ARHGAP1: variants seen among roughly 807,000 people sequenced by gnomAD.
ARHGAP1 encodes Rho GTPase activating protein 1, also known as rho GTPase-activating protein 1.
Under a neutral mutation model 52.2 loss-of-function variants are expected in ARHGAP1, and 23 were observed. The observed-to-expected ratio is 0.44, with a 90% confidence interval of 0.32 to 0.62. The LOEUF is 0.62. Ranked by LOEUF, ARHGAP1 falls within the 20% of genes least tolerant of loss-of-function variation. The probability of loss-of-function intolerance (pLI) is 0.05; values close to 1 mark genes in which losing one functional copy is unlikely to be tolerated. For missense variants in ARHGAP1, 480 were observed against 560.9 expected, an observed-to-expected ratio of 0.86 and a Z score of 1.46; for synonymous variants, 210 against 228.4, an observed-to-expected ratio of 0.92 and a Z score of 0.73.
At position 46,681,421 on chromosome 11, in the gene ARHGAP1, G is replaced by C; in HGVS notation, c.450-42C>G. 1 of 1,451,938 alleles carries C rather than the reference G, an allele frequency of 6.9e-7. No homozygotes were observed. Among genetic ancestry groups the C allele is most frequent in the Non-Finnish European group, 9.7e-7 (1 of 1,032,684 alleles). 89.9% of individuals were successfully genotyped at this position (1,451,938 alleles called of 1,614,324 possible). On this transcript the variant is annotated intron_variant, in intron 5 of 12. Transcript: ENST00000311956. The surrounding 1 kb of genome is among the most constrained non-coding windows in gnomAD (Gnocchi z 5.7). ...GACAACTCAGGAGCAGGCGTGGTGG[G>C]ACAGGTGCCACGCTAGGGTCCCAGT...
At chr11:46,682,236 G>A (rs533373528) in intron 4 of ARHGAP1, 54 bp from the exon 5 acceptor site, 43 of 1,601,406 alleles carry the variant, frequency 2.7e-5, no homozygotes, top group African/African-American at 4.0e-5. Flanking sequence ...GCGGCCCCAC[G>A]AAGACAGAAA....
At chr11:46,694,842 A>G (rs973264720) in intron 3 of ARHGAP1, among the ~76,000 whole-genome samples, 4 of 152,180 alleles carry the variant, frequency 2.6e-5, no homozygotes, top group African/African-American at 9.7e-5. Flanking sequence ...TTCCAAGCCC[A>G]GCACCCCCAT....
chr11:46,682,409 C>A (rs890912905), intron 4 of ARHGAP1, among the ~76,000 whole-genome samples: 2 of 152,204 alleles, frequency 1.3e-5, no homozygotes, highest in Non-Finnish European at 2.9e-5. Flanking sequence ...CTCAGCCGGG[C>A]GCAGTGGCTC....
chr11:46,684,755 T>C (rs1374819203), intron 4 of ARHGAP1, among the ~76,000 whole-genome samples: 1 of 152,196 alleles, frequency 6.6e-6, no homozygotes, highest in African/African-American at 2.4e-5. Context: ...GAAGATATCT[T>C]TGAAGAATAT....
intron 3 of ARHGAP1, among the ~76,000 whole-genome samples, chr11:46,692,197 TG>T (rs376919976): frequency 6.0e-4 from 92 of 152,288 alleles, no homozygotes; most frequent in African/African-American, 2.0e-3. Flanking sequence ...AAAAGCAGAC[TG>T]GCAGGGGCCA....
intron 1 of ARHGAP1, among the ~76,000 whole-genome samples, chr11:46,699,987 T>C (rs908997314): frequency 6.6e-6 from 1 of 151,740 alleles, no homozygotes; most frequent in Non-Finnish European, 1.5e-5. Flanking sequence ...CTGGCCAACA[T>C]GGTGAAACCC....
chr11:46,696,760 T>C lies in ARHGAP1; in HGVS notation c.-49-604A>G, dbSNP rs1565691187. On this transcript the variant is annotated intron_variant, in intron 1 of 12. Transcript: ENST00000311956. The surrounding 1 kb of genome is among the most constrained non-coding windows in gnomAD (Gnocchi z 4.8). ...GGCAGGCATCTGTAATCCCAGCTAC[T>C]CAGGAAGCTGAGGCAGGAGAATCAC... is the stretch of plus-strand genomic sequence containing the variant. 2.6e-5 allele frequency among the ~76,000 whole-genome samples: 4 copies of C among 152,180 alleles called. No homozygotes were observed. In the East Asian group the frequency reaches 5.8e-4, roughly 22 times the overall value.
Position 46,679,137 on chromosome 11 carries a change from G to A in ARHGAP1, c.1220C>T (p.Ala407Val). Residue 407 changes from alanine (A) to valine (V), a missense_variant, in exon 13 of 13, where the codon GCC becomes GTC. By Grantham distance (64) the Ala-to-Val change is moderately conservative (BLOSUM62 0). Transcript: ENST00000311956. This position sits in a 1 kb window ranked among gnomAD's most constrained non-coding sequence, Gnocchi z 4.4. ...GPNLLWAKDA[A>V]ITLKAINPIN... is the part of the protein sequence containing the mutation. ...GGGATTAATGGCCTTGAGGGTGATG[G>A]CCGCATCCTTGGCCCACAGCAGGTT... is the stretch of plus-strand genomic sequence containing the variant. 6 of 1,614,104 alleles carry A rather than the reference G, an allele frequency of 3.7e-6. No homozygotes were observed. Among genetic ancestry groups the A allele is most frequent in the Non-Finnish European group, 5.1e-6 (6 of 1,179,982 alleles).
rs544542110 is a variant in ARHGAP1 at position 46,683,998 on chromosome 11, C to T, written c.318-1816G>A. Among the ~76,000 whole-genome samples, 7 of 152,296 alleles carry T rather than the reference C, an allele frequency of 4.6e-5. No homozygotes were observed. The Middle Eastern group carries it at 0.017, about 370-fold the overall frequency. On this transcript the variant is annotated intron_variant, in intron 4 of 12. Coordinates refer to ENST00000311956, the MANE Select transcript of ARHGAP1 (RefSeq NM_004308.5). ...CTAGGCTCCCACAGGGACACTACTGCAGGCTGGGAGGCTGGGCAGGCAGAA... is the reference window on the plus strand; with the variant it reads ...CTAGGCTCCCACAGGGACACTACTGTAGGCTGGGAGGCTGGGCAGGCAGAA...
Position 46,678,759 on chromosome 11 carries a change from C to T in ARHGAP1, c.*278G>A. 1 of 463,076 alleles carries T rather than the reference C, an allele frequency of 2.2e-6. No individual in the cohort carries two copies. Among genetic ancestry groups the T allele is most frequent in the Non-Finnish European group, 3.9e-6 (1 of 259,514 alleles). The allele number at this position is 463,076 out of a possible 1,614,324, so 28.7% of individuals were successfully genotyped here. On this transcript the variant is annotated 3_prime_UTR_variant, in exon 13 of 13. Coordinates refer to ENST00000311956, the MANE Select transcript of ARHGAP1 (RefSeq NM_004308.5). ...AAGCAGGAAAGGGGTTACTGGGGCT[C>T]AGTCCTTCTCCAGCTGGAAGAGCCA...
rs2064507491 is a variant in ARHGAP1 at position 46,679,555 on chromosome 11, G to A, written c.1028-87C>T. ...ATGCAGGCTAGAGGGGAGACCCCCA[G>A]CAGTCTTCCCTGGGAGGCGCCTAGG... On this transcript the variant is annotated intron_variant, in intron 11 of 12. Coordinates refer to ENST00000311956, the MANE Select transcript of ARHGAP1 (RefSeq NM_004308.5). This position sits in a 1 kb window ranked among gnomAD's most constrained non-coding sequence, Gnocchi z 4.4. 1 of 1,606,732 alleles carries A rather than the reference G, an allele frequency of 6.2e-7. No individual in the cohort carries two copies. The highest frequency in any genetic ancestry group is 2.2e-5 in the East Asian group (1 of 44,752).
chr11:46,678,867 T>TAACA lies in ARHGAP1; in HGVS notation c.*166_*169dup. The stretch of plus-strand genomic sequence containing the variant: ...TAAGGCAGAGAAAAACGTCTTCTGG[T>TAACA]AACAGCGAGGCCGCCAGGGCCGTGA... On this transcript the variant is annotated 3_prime_UTR_variant, in exon 13 of 13. Transcript: ENST00000311956. 1 of 726,618 alleles carries TAACA rather than the reference T, an allele frequency of 1.4e-6. No homozygotes were observed. Among genetic ancestry groups the TAACA allele is most frequent in the East Asian group, 2.7e-5 (1 of 36,674 alleles). The allele number at this position is 726,618 out of a possible 1,614,324, so 45.0% of individuals were successfully genotyped here. A position where few individuals can be genotyped will look rare whatever the true frequency, so the allele number is the denominator to read the frequency against.
In ARHGAP1 at chr11:46,679,284, C is replaced by G; in HGVS notation, c.1132-59G>C. On this transcript the variant is annotated intron_variant, in intron 12 of 12. Coordinates refer to ENST00000311956, the MANE Select transcript of ARHGAP1 (RefSeq NM_004308.5). This position sits in a 1 kb window ranked among gnomAD's most constrained non-coding sequence, Gnocchi z 4.4. ...CACAGATGCTGCCTCCCACTCCCAG[C>G]AACAATGACCAGGGCGCAGAGGAGG... 1.9e-6 allele frequency: 3 copies of G among 1,596,318 alleles called. No individual in the cohort carries two copies. The highest frequency in any genetic ancestry group is 2.2e-5 in the East Asian group (1 of 44,658).
At chr11:46,688,681 T>C (rs573257636) in intron 3 of ARHGAP1, among the ~76,000 whole-genome samples, 58 of 151,890 alleles carry the variant, frequency 3.8e-4, no homozygotes, top group Non-Finnish European at 6.6e-4. Context: ...CAGATCTCAC[T>C]ATCTTGCCAT....
Position 46,681,282 on chromosome 11 carries a change from T to C in ARHGAP1, c.536+11A>G. On this transcript the variant is annotated intron_variant, in intron 6 of 12. Transcript: ENST00000311956. This position sits in a 1 kb window ranked among gnomAD's most constrained non-coding sequence, Gnocchi z 5.7. The stretch of plus-strand genomic sequence containing the variant: ...AAGCCGGGACCACCAGCCCTGCCCG[T>C]GGCCACTCACCTGATGAGGGGCTTG... 1 of 1,608,116 alleles carries C rather than the reference T, an allele frequency of 6.2e-7. No individual in the cohort carries two copies. Among genetic ancestry groups the C allele is most frequent in the Non-Finnish European group, 8.5e-7 (1 of 1,174,490 alleles).
chr11:46,686,100 T>C (rs1396384285), intron 4 of ARHGAP1, among the ~76,000 whole-genome samples: 2 of 151,214 alleles, frequency 1.3e-5, no homozygotes, highest in Admixed American at 6.6e-5. Context: ...GCCTCTTGAG[T>C]AGCTGGGATT....
At chr11:46,693,313 T>C (rs1205946788) in intron 3 of ARHGAP1, among the ~76,000 whole-genome samples, 1 of 152,004 alleles carries the variant, frequency 6.6e-6, no homozygotes, top group Non-Finnish European at 1.5e-5. Flanking sequence ...TTTTTTTTTT[T>C]CAGTCAAAGA....
At chr11:46,683,640 CT>C (rs2064545324) in intron 4 of ARHGAP1, among the ~76,000 whole-genome samples, 1 of 143,686 alleles carries the variant, frequency 7.0e-6, no homozygotes, top group African/African-American at 2.5e-5. Context: ...GTAAAGCCCT[CT>C]CCTTTTTTTT....
At chr11:46,698,253 T>A (rs1364595595) in intron 1 of ARHGAP1, among the ~76,000 whole-genome samples, 1 of 152,096 alleles carries the variant, frequency 6.6e-6, no homozygotes, top group African/African-American at 2.4e-5. Context: ...CTCCCAGAAA[T>A]ATAATTCTCC....
Sources: allele counts gnomAD v4.1 joint callset (sites outside exome capture counted in the v4.1 genomes callset), GRCh38; gene constraint gnomAD v4.1.1; non-coding constraint Gnocchi (gnomAD v3.1); transcripts MANE v1.5; gene names NCBI Gene and HGNC (gene_info 2026-07-23, HGNC 2026-07-21).